OXSR1: variants seen among roughly 807,000 people sequenced by gnomAD.
OXSR1 encodes serine/threonine-protein kinase OSR1.
Under a neutral mutation model 79.8 loss-of-function variants are expected in OXSR1, and 24 were observed. That is an observed-to-expected ratio of 0.30 (90% confidence interval 0.22 to 0.42). The LOEUF is 0.42. Among genes scored for constraint, OXSR1 ranks in the 10% least tolerant of loss-of-function variants. OXSR1 has a pLI of 1.00. For synonymous variants in OXSR1, 226 were observed against 209.2 expected, an observed-to-expected ratio of 1.08 and a Z score of -0.69; for missense variants, 430 against 618.4, an observed-to-expected ratio of 0.70 and a Z score of 3.23.
intron 4 of OXSR1, among the ~76,000 whole-genome samples, chr3:38,214,494 C>G (rs1702446774): frequency 6.6e-6 from 1 of 152,164 alleles, no homozygotes; most frequent in South Asian, 2.1e-4. Flanking sequence ...CTAAACTATA[C>G]TTTTCTTCCC....
Position 38,193,981 on chromosome 3 carries a change from G to C in OXSR1, c.292+3142G>C, listed in dbSNP as rs747295713. ...ACATTTAAACTGAGATGAAACGTTA[G>C]GCAACATTTAGAAAACAAAAGTTAG... On this transcript the variant is annotated intron_variant, in intron 3 of 17. Coordinates refer to ENST00000311806, the MANE Select transcript of OXSR1 (RefSeq NM_005109.3). Among the ~76,000 whole-genome samples, 41 of 152,100 alleles carry C rather than the reference G, an allele frequency of 2.7e-4. No homozygotes were observed. The Middle Eastern group carries it at 0.01, about 38-fold the overall frequency.
At chr3:38,210,482 T>A (rs1702363204) in intron 4 of OXSR1, among the ~76,000 whole-genome samples, 1 of 152,100 alleles carries the variant, frequency 6.6e-6, no homozygotes, top group Non-Finnish European at 1.5e-5. Context: ...TTAGGGGAAT[T>A]TTCTCCTGTC....
At chr3:38,175,601 C>G (rs1701662571) in intron 1 of OXSR1, among the ~76,000 whole-genome samples, 1 of 152,186 alleles carries the variant, frequency 6.6e-6, no homozygotes, top group Non-Finnish European at 1.5e-5. Context: ...ATGCCCGGCC[C>G]TACGTTCTCT....
intron 8 of OXSR1, 100 bp downstream of exon 8, chr3:38,224,804 C>G: frequency 2.4e-6 from 2 of 820,994 alleles, no homozygotes; most frequent in Non-Finnish European, 3.7e-6. Flanking sequence ...TTCAAAAGAA[C>G]TAAATATAAA....
chr3:38,241,955 G>C (rs1703045206), intron 11 of OXSR1, among the ~76,000 whole-genome samples: 1 of 150,654 alleles, frequency 6.6e-6, no homozygotes, highest in Non-Finnish European at 1.5e-5. Flanking sequence ...TTCTGACTAA[G>C]TCCATCATTG....
intron 13 of OXSR1, among the ~76,000 whole-genome samples, chr3:38,247,017 A>G (rs553001618): frequency 6.7e-6 from 1 of 150,280 alleles, no homozygotes; most frequent in Non-Finnish European, 1.5e-5. Context: ...GCCTTTGGAG[A>G]TCACTGCTTT....
intron 4 of OXSR1, among the ~76,000 whole-genome samples, chr3:38,204,106 G>A (rs984840883): frequency 1.3e-5 from 2 of 151,824 alleles, no homozygotes; most frequent in Admixed American, 6.6e-5. Context: ...GTCTCTCCCC[G>A]TGGCCACCAC....
intron 5 of OXSR1, among the ~76,000 whole-genome samples, chr3:38,218,563 A>G (rs551393370): frequency 1.3e-5 from 2 of 151,922 alleles, no homozygotes; most frequent in South Asian, 2.1e-4. Context: ...TTCTTTACAT[A>G]TTTTGGATGC....
intron 1 of OXSR1, among the ~76,000 whole-genome samples, chr3:38,178,424 T>G (rs543943140): frequency 3.6e-4 from 54 of 152,036 alleles, no homozygotes; most frequent in African/African-American, 1.2e-3. Flanking sequence ...TATAGTTATA[T>G]GTGTAAATCA....
Position 38,229,659 on chromosome 3 carries a change from C to A in OXSR1, c.837-28C>A, listed in dbSNP as rs189689286. 1.6e-5 allele frequency: 25 copies of A among 1,594,204 alleles called. No individual in the cohort carries two copies. In the East Asian group the frequency reaches 5.2e-4, roughly 33 times the overall value. ...ATTACACTTGAATTAATTATAAAAA[C>A]TTTTCTTCCCTCCCTTCCTGGTTTT... is the stretch of plus-strand genomic sequence containing the variant. On this transcript the variant is annotated intron_variant, in intron 8 of 17. Transcript: ENST00000311806.
intron 12 of OXSR1, 36 bp downstream of exon 12, chr3:38,242,814 A>G (rs1402750435): frequency 3.0e-6 from 4 of 1,315,642 alleles, no homozygotes; most frequent in Admixed American, 1.9e-5. Flanking sequence ...TTGTTAAAGT[A>G]AATGTGCTTT....
At chr3:38,166,061 C>T (rs1424136309) in intron 1 of OXSR1, 115 bp downstream of exon 1, 1 of 882,692 alleles carries the variant, frequency 1.1e-6, no homozygotes, top group Non-Finnish European at 1.8e-6. Context: ...TCGTGGGGCG[C>T]TTGTGGGGCT....
At chr3:38,173,245 G>A (rs1701616852) in intron 1 of OXSR1, among the ~76,000 whole-genome samples, 1 of 152,160 alleles carries the variant, frequency 6.6e-6, no homozygotes, top group Non-Finnish European at 1.5e-5. Context: ...TGTTTGCTAA[G>A]CAACTAAGAA....
chr3:38,183,568 C>T (rs1701827061), intron 2 of OXSR1, among the ~76,000 whole-genome samples: 2 of 152,198 alleles, frequency 1.3e-5, no homozygotes, highest in East Asian at 3.9e-4. Context: ...CTTTTCTATT[C>T]CCTTAAAATA....
chr3:38,176,787 A>C (rs1006296869), intron 1 of OXSR1, among the ~76,000 whole-genome samples: 6 of 152,232 alleles, frequency 3.9e-5, no homozygotes, highest in Non-Finnish European at 8.8e-5. Flanking sequence ...AACAATTATG[A>C]TTGATAATAC....
intron 4 of OXSR1, among the ~76,000 whole-genome samples, chr3:38,203,955 A>G (rs761230070): frequency 5.9e-5 from 9 of 152,184 alleles, no homozygotes; most frequent in Non-Finnish European, 8.8e-5. Flanking sequence ...GTGGGTGCAG[A>G]GATGCCATCA....
At chr3:38,169,976 C>T (rs1701546271) in intron 1 of OXSR1, among the ~76,000 whole-genome samples, 1 of 151,656 alleles carries the variant, frequency 6.6e-6, no homozygotes, top group Non-Finnish European at 1.5e-5. Flanking sequence ...AAGCGATCTG[C>T]CTGCCTCAGC....
intron 8 of OXSR1, among the ~76,000 whole-genome samples, chr3:38,229,424 G>A (rs769235680): frequency 1.5e-4 from 23 of 151,854 alleles, no homozygotes; most frequent in Admixed American, 5.2e-4. Context: ...AAGAAATCAT[G>A]CTTCCAGAAA....
chr3:38,166,441 C>T (rs986843593), intron 1 of OXSR1, among the ~76,000 whole-genome samples: 1 of 152,022 alleles, frequency 6.6e-6, no homozygotes, highest in South Asian at 2.1e-4. Context: ...ACCCAACTTA[C>T]GACTCCTTCC....
Sources: allele counts gnomAD v4.1 joint callset (sites outside exome capture counted in the v4.1 genomes callset), GRCh38; gene constraint gnomAD v4.1.1; transcripts MANE v1.5; gene names NCBI Gene and HGNC (gene_info 2026-07-23, HGNC 2026-07-21).